Variants in SUMF1 observed in about 807,000 individuals in gnomAD.
The protein encoded by SUMF1 is sulfatase modifying factor 1.
SUMF1 carries 48 observed loss-of-function variants against 47.6 expected under a neutral mutation model. That is an observed-to-expected ratio of 1.01 (90% CI 0.80 to 1.28). SUMF1 has a LOEUF of 1.28. Ranked by LOEUF, SUMF1 falls within the 50% of genes most tolerant of loss-of-function variation. The pLI is 0.00. For synonymous variants in SUMF1, 230 were observed against 192.1 expected, an observed-to-expected ratio of 1.20 and a Z score of -1.63; for missense variants, 571 against 485.4, an observed-to-expected ratio of 1.18 and a Z score of -1.66.
intron 8 of SUMF1, among the ~76,000 whole-genome samples, chr3:4,138,122 T>C (rs1693988280): frequency 6.6e-6 from 1 of 152,114 alleles, no homozygotes; most frequent in South Asian, 2.1e-4. Flanking sequence ...TCTTTTGCGA[T>C]GAACATGGTA....
At chr3:4,430,332 T>G (rs989097340) in intron 3 of SUMF1, among the ~76,000 whole-genome samples, 1 of 152,156 alleles carries the variant, frequency 6.6e-6, no homozygotes, top group African/African-American at 2.4e-5. Flanking sequence ...ACGGGACAGA[T>G]AGTAGGCACT....
chr3:4,177,503 C>T (rs899982459), intron 8 of SUMF1, among the ~76,000 whole-genome samples: 2 of 152,090 alleles, frequency 1.3e-5, no homozygotes, highest in Non-Finnish European at 2.9e-5. Flanking sequence ...AGAACAAAGA[C>T]ATAACGTACC....
At chr3:4,278,850 A>T (rs116405349) in intron 8 of SUMF1, among the ~76,000 whole-genome samples, 2,792 of 152,214 alleles carry the variant, frequency 0.018, 32 homozygotes, top group Middle Eastern at 0.051. Context: ...AACTTCTAAA[A>T]ATAATAAAAA....
At chr3:4,417,083 A>G (rs772983399) in intron 6 of SUMF1, 45 bp downstream of exon 6, 1 of 1,576,236 alleles carries the variant, frequency 6.3e-7, no homozygotes, top group Non-Finnish European at 8.7e-7. Flanking sequence ...TGGGAGCCTC[A>G]GTTCTCAGCA....
chr3:4,423,721 A>T (rs898245389), intron 3 of SUMF1, among the ~76,000 whole-genome samples: 1 of 152,152 alleles, frequency 6.6e-6, no homozygotes, highest in Admixed American at 6.5e-5. Flanking sequence ...ATAATCCCCA[A>T]TATTGGAGGT....
rs575414528 is a variant in SUMF1 at position 4,361,195 on chromosome 3, C to A, written c.*949G>T. ...CAACACAGTGCATGATTCAAAGCAT[C>A]GGATATTCCACAGCCAACAAGGTTT... On this transcript the variant is annotated 3_prime_UTR_variant, in exon 9 of 9. Transcript: ENST00000272902. 6.6e-6 allele frequency: 1 copy of A among 152,476 alleles called. No individual in the cohort carries two copies. Among genetic ancestry groups the A allele is most frequent in the Non-Finnish European group, 1.5e-5 (1 of 68,038 alleles). The allele number at this position is 152,476 out of a possible 1,614,324, so 9.4% of individuals were successfully genotyped here. A position where few individuals can be genotyped will look rare whatever the true frequency, so the allele number is the denominator to read the frequency against.
chr3:4,241,821 G>A (rs941776399), intron 8 of SUMF1, among the ~76,000 whole-genome samples: 1 of 152,132 alleles, frequency 6.6e-6, no homozygotes, highest in African/African-American at 2.4e-5. Context: ...CCACAGTGGA[G>A]TTCATCAGAT....
At chr3:4,316,476 A>G in intron 8 of SUMF1, 3 of 1,604,336 alleles carry the variant, frequency 1.9e-6, no homozygotes, top group Non-Finnish European at 2.6e-6. Flanking sequence ...CCTTACAACT[A>G]CACGAGAAGT....
At chr3:4,185,391 T>C (rs1274660051) in intron 8 of SUMF1, among the ~76,000 whole-genome samples, 1 of 152,224 alleles carries the variant, frequency 6.6e-6, no homozygotes, top group African/African-American at 2.4e-5. Flanking sequence ...TTTTTTTGAA[T>C]CTAACAACTA....
At chr3:4,060,095 C>G (rs1220055082) in intron 9 of SUMF1, among the ~76,000 whole-genome samples, 1 of 152,112 alleles carries the variant, frequency 6.6e-6, no homozygotes, top group Non-Finnish European at 1.5e-5. Flanking sequence ...GAAGCAGAGG[C>G]TGATAAAGAA....
At chr3:4,442,439 T>C (rs571963576) in intron 3 of SUMF1, among the ~76,000 whole-genome samples, 1 of 151,544 alleles carries the variant, frequency 6.6e-6, no homozygotes, top group East Asian at 1.9e-4. Flanking sequence ...TTTTGTATTT[T>C]TAGTAGAGAC....
intron 8 of SUMF1, among the ~76,000 whole-genome samples, chr3:4,106,071 T>C (rs1296626110): frequency 6.6e-6 from 1 of 152,060 alleles, no homozygotes; most frequent in Admixed American, 6.6e-5. Flanking sequence ...TCTGTTCCTC[T>C]ACCAACAAAC....
chr3:4,371,834 G>T (rs1700178219), intron 8 of SUMF1, among the ~76,000 whole-genome samples: 1 of 152,154 alleles, frequency 6.6e-6, no homozygotes, highest in Admixed American at 6.5e-5. Flanking sequence ...TGTGCCTAAG[G>T]TCACATGGTT....
intron 8 of SUMF1, among the ~76,000 whole-genome samples, chr3:4,084,275 A>T (rs1574868151): frequency 6.6e-6 from 1 of 152,122 alleles, no homozygotes; most frequent in African/African-American, 2.4e-5. Flanking sequence ...GGTCTTTGCA[A>T]CCACTGGACC....
intron 8 of SUMF1, among the ~76,000 whole-genome samples, chr3:4,087,819 GTAA>G (rs568993506): frequency 6.6e-5 from 10 of 152,046 alleles, no homozygotes; most frequent in Non-Finnish European, 1.2e-4. Context: ...TGAATGAAAT[GTAA>G]TAATAATCAT....
chr3:4,103,854 G>A (rs3913298), intron 8 of SUMF1, among the ~76,000 whole-genome samples: 17,580 of 152,110 alleles, frequency 0.12, 2,042 homozygotes, highest in African/African-American at 0.28. Context: ...ATCAACCACT[G>A]ATGCTTAGAA....
chr3:4,210,372 C>T (rs576638693), intron 8 of SUMF1, among the ~76,000 whole-genome samples: 1 of 152,222 alleles, frequency 6.6e-6, no homozygotes, highest in East Asian at 1.9e-4. Context: ...AGGATTTACA[C>T]AACCAAATGT....
chr3:4,448,757 C>T (rs1337459047), intron 3 of SUMF1, among the ~76,000 whole-genome samples: 1 of 152,028 alleles, frequency 6.6e-6, no homozygotes, highest in African/African-American at 2.4e-5. Context: ...GAGGGTACAC[C>T]CCTGCATGTA....
intron 8 of SUMF1, among the ~76,000 whole-genome samples, chr3:4,356,127 G>C (rs1337229943): frequency 6.6e-6 from 1 of 152,202 alleles, no homozygotes; most frequent in Non-Finnish European, 1.5e-5. Flanking sequence ...GAGGCTCTCG[G>C]AGTTAATAAT....
Sources: allele counts gnomAD v4.1 joint callset (sites outside exome capture counted in the v4.1 genomes callset), GRCh38; gene constraint gnomAD v4.1.1; transcripts MANE v1.5; gene names NCBI Gene and HGNC (gene_info 2026-07-23, HGNC 2026-07-21).